SMYD3: variants seen among roughly 807,000 people sequenced by gnomAD.
SMYD3 encodes histone-lysine N-methyltransferase SMYD3.
In SMYD3, 36 loss-of-function variants were observed where a neutral mutation model predicts 57.7. The observed-to-expected ratio is 0.62, with a 90% CI of 0.48 to 0.82. The LOEUF is 0.82. Among genes scored for constraint, SMYD3 ranks in the 40% least tolerant of loss-of-function variants. The pLI, the probability that SMYD3 is intolerant of heterozygous loss-of-function variation, is 0.00. For missense variants in SMYD3, 515 were observed against 538.8 expected (o/e 0.96, Z 0.44); for synonymous variants, 211 against 195.0 (o/e 1.08, Z -0.68).
intron 5 of SMYD3, among the ~76,000 whole-genome samples, chr1:246,003,113 C>T (rs73130372): frequency 6.6e-6 from 1 of 152,028 alleles, no homozygotes; most frequent in East Asian, 1.9e-4. Flanking sequence ...ATGGAAGAGG[C>T]GGAGGGAAAG....
Position 246,025,410 on chromosome 1 carries a change from C to G in SMYD3, c.532-95473G>C, listed in dbSNP as rs150294866. Among the ~76,000 whole-genome samples, 239 of 152,282 alleles carry G rather than the reference C, an allele frequency of 1.6e-3. 1 individual carries two copies. Among genetic ancestry groups the G allele is most frequent in the African/African-American group, 5.6e-3 (231 of 41,548 alleles). The stretch of plus-strand genomic sequence containing the variant: ...AGTGGCCATCAGAAAGGGAGCTGTA[C>G]CCTCCACCCAAATGTGTCCCAAACA... On this transcript the variant is annotated intron_variant, in intron 5 of 11. Transcript: ENST00000490107.
chr1:245,930,496 C>CCA, intron 5 of SMYD3: 1 of 279,820 alleles, frequency 3.6e-6, no homozygotes, highest in Non-Finnish European at 6.9e-6. Flanking sequence ...TACCAGGAGT[C>CCA]CATCACTGGG....
chr1:246,481,710 A>ATATATATATGAACTGATATGAG (rs1309996603), intron 1 of SMYD3, among the ~76,000 whole-genome samples: 3 of 146,482 alleles, frequency 2.0e-5, no homozygotes, highest in Non-Finnish European at 4.5e-5. Context: ...ATATATGATT[A>ATATATATATGAACTGATATGAG]TATATATATG....
At chr1:246,311,425 T>C (rs1384012785) in intron 5 of SMYD3, among the ~76,000 whole-genome samples, 1 of 152,186 alleles carries the variant, frequency 6.6e-6, no homozygotes, top group African/African-American at 2.4e-5. Context: ...CATATAGATA[T>C]CTCCAGGAAA....
chr1:245,821,617 A>G (rs372237268), intron 10 of SMYD3, among the ~76,000 whole-genome samples: 1 of 142,346 alleles, frequency 7.0e-6, no homozygotes, highest in Non-Finnish European at 1.5e-5. Flanking sequence ...GCAACCTACA[A>G]AATGGGAGAA....
chr1:246,308,654 A>G (rs2065026748), intron 5 of SMYD3, among the ~76,000 whole-genome samples: 1 of 152,208 alleles, frequency 6.6e-6, no homozygotes, highest in Non-Finnish European at 1.5e-5. Context: ...TTTACAATTT[A>G]TGATAGCACA....
chr1:246,491,383 C>CA (rs1553356129), intron 1 of SMYD3, among the ~76,000 whole-genome samples: 1 of 151,920 alleles, frequency 6.6e-6, no homozygotes, highest in African/African-American at 2.4e-5. Flanking sequence ...ACTAAAAATA[C>CA]AAAAAAATTA....
chr1:245,917,059 T>TCA (rs1259893161), intron 7 of SMYD3, among the ~76,000 whole-genome samples: 2 of 147,736 alleles, frequency 1.4e-5, no homozygotes, highest in African/African-American at 2.5e-5. Context: ...AGACAGGGTC[T>TCA]CACTGTGCCA....
At chr1:246,073,462 A>C (rs1229426901) in intron 5 of SMYD3, among the ~76,000 whole-genome samples, 1 of 152,150 alleles carries the variant, frequency 6.6e-6, no homozygotes, top group Non-Finnish European at 1.5e-5. Flanking sequence ...CACACCTATA[A>C]TCTCAGCACT....
rs146419680 is a variant in SMYD3, at chr1:246,170,229, C to CT, written c.531+156971_531+156972insA. 1.6e-3 allele frequency among the ~76,000 whole-genome samples: 247 copies of CT among 151,794 alleles called. 1 individual carries two copies. The highest frequency in any genetic ancestry group is 5.5e-3 in the African/African-American group (229 of 41,418). On this transcript the variant is annotated intron_variant, in intron 5 of 11. Coordinates refer to ENST00000490107, the MANE Select transcript of SMYD3 (RefSeq NM_001167740.2). ...AAGAATTTAACACAATGATTTTCTC[C>CT]CCCTCCTAGAAATATGCTCAATTAA...
chr1:246,506,935 A>G (rs2068550005), intron 1 of SMYD3, 119 bp downstream of exon 1: 9 of 966,024 alleles, frequency 9.3e-6, no homozygotes, highest in Non-Finnish European at 9.9e-6. Flanking sequence ...AGCACCGCCA[A>G]GCTGCCTGTG....
chr1:245,774,687 GTCTCCCTCTCCCTCTCCACGGTCTCCC>G (rs1338204139), intron 10 of SMYD3, among the ~76,000 whole-genome samples: 2 of 124,998 alleles, frequency 1.6e-5, no homozygotes, highest in African/African-American at 2.9e-5. Flanking sequence ...CTTTCCCACG[GTCTCCCTCTCCCTCTCCACGGTCTCCC>G]TCTCCCTCTC....
intron 5 of SMYD3, among the ~76,000 whole-genome samples, chr1:245,980,846 A>G (rs1301549352): frequency 1.3e-5 from 2 of 152,232 alleles, no homozygotes; most frequent in Non-Finnish European, 2.9e-5. Context: ...AGCAGTCAAC[A>G]AACTACAGCC....
At position 246,101,918 on chromosome 1, in the gene SMYD3, G is replaced by A. The variant is rs189196978; in HGVS notation, c.532-171981C>T. On this transcript the variant is annotated intron_variant, in intron 5 of 11. Coordinates refer to ENST00000490107, the MANE Select transcript of SMYD3 (RefSeq NM_001167740.2). ...AAACTGAAGAATTAAACAGGATGCAGGTGTTTGAAATTCTCTTTGTTCGGC... is the reference window on the plus strand; with the variant it reads ...AAACTGAAGAATTAAACAGGATGCAAGTGTTTGAAATTCTCTTTGTTCGGC... Among the ~76,000 whole-genome samples the A allele has an allele frequency of 8.5e-5, 13 of 152,334 alleles. No individual in the cohort carries two copies. The East Asian group carries it at 2.5e-3, about 29-fold the overall frequency.
chr1:245,938,989 T>C (rs1413521625), intron 5 of SMYD3, among the ~76,000 whole-genome samples: 1 of 151,386 alleles, frequency 6.6e-6, no homozygotes, highest in Non-Finnish European at 1.5e-5. Context: ...CTACTAAAAA[T>C]ACAAAAATTA....
rs568565484 is a variant in SMYD3, at chr1:246,182,470, A to G, written c.531+144731T>C. Among the ~76,000 whole-genome samples the G allele has an allele frequency of 2.6e-5, 4 of 152,270 alleles. No individual in the cohort carries two copies. In the East Asian group the frequency reaches 7.7e-4, roughly 29 times the overall value. On this transcript the variant is annotated intron_variant, in intron 5 of 11. Coordinates refer to ENST00000490107, the MANE Select transcript of SMYD3 (RefSeq NM_001167740.2). ...AAAAGGACAACTGGAGACTGAAGTGATAACGTCACAGGCTCAGGGTCAGGT... is the reference window on the plus strand; with the variant it reads ...AAAAGGACAACTGGAGACTGAAGTGGTAACGTCACAGGCTCAGGGTCAGGT...
chr1:246,027,608 T>G (rs1228624509), intron 5 of SMYD3, among the ~76,000 whole-genome samples: 1 of 152,198 alleles, frequency 6.6e-6, no homozygotes, highest in Non-Finnish European at 1.5e-5. Context: ...ATATCTGAAG[T>G]CCATTCTTGT....
At position 245,994,652 on chromosome 1, in the gene SMYD3, G is replaced by C. The variant is rs79609753; in HGVS notation, c.532-64715C>G. On this transcript the variant is annotated intron_variant, in intron 5 of 11. Coordinates refer to ENST00000490107, the MANE Select transcript of SMYD3 (RefSeq NM_001167740.2). Reference sequence around the variant, plus strand: ...CTTGCCTCATTTCAGAAATAGGGGAGGGCCTTCTCATAAAATGACTTTTTA... The same window carrying C: ...CTTGCCTCATTTCAGAAATAGGGGACGGCCTTCTCATAAAATGACTTTTTA... Among the ~76,000 whole-genome samples, 1,400 of 152,230 alleles carry C rather than the reference G, an allele frequency of 9.2e-3. 19 individuals carry two copies. Among genetic ancestry groups the C allele is most frequent in the African/African-American group, 0.031 (1,307 of 41,516 alleles).
intron 8 of SMYD3, among the ~76,000 whole-genome samples, chr1:245,883,127 T>G (rs1043886441): frequency 6.6e-6 from 1 of 152,142 alleles, no homozygotes; most frequent in African/African-American, 2.4e-5. Context: ...GTGAAAAGGG[T>G]AAAAACAATC....
Sources: gnomAD v4.1 joint callset for allele counts (sites outside exome capture counted in the v4.1 genomes callset) on GRCh38, gnomAD v4.1.1 for gene constraint, MANE v1.5 for transcripts, NCBI Gene and HGNC (gene_info 2026-07-23, HGNC 2026-07-21) for gene names.